Variants in PLEKHG5 observed in about 807,000 individuals in gnomAD.
The protein encoded by PLEKHG5 is pleckstrin homology domain-containing family G member 5.
PLEKHG5 carries 52 observed loss-of-function variants against 103.8 expected under a neutral mutation model. The observed-to-expected ratio is 0.50, with a 90% confidence interval of 0.40 to 0.63. The LOEUF (loss-of-function observed/expected upper bound fraction) is 0.63, where lower values mean the gene tolerates loss of function less well. Among genes scored for constraint, PLEKHG5 ranks in the 30% least tolerant of loss-of-function variants. The pLI is 0.00. For synonymous variants in PLEKHG5, 592 were observed against 575.5 expected, an observed-to-expected ratio of 1.03 and a Z score of -0.41; for missense variants, 1,205 against 1,347.6, an observed-to-expected ratio of 0.89 and a Z score of 1.66.
At position 6,470,897 on chromosome 1, in the gene PLEKHG5, A is replaced by G; in HGVS notation, c.1393-13T>C. 2.1e-6 allele frequency: 3 copies of G among 1,407,016 alleles called. No homozygotes were observed. Among genetic ancestry groups the G allele is most frequent in the Non-Finnish European group, 2.8e-6 (3 of 1,083,112 alleles). 87.2% of individuals were successfully genotyped at this position (1,407,016 alleles called of 1,614,324 possible). ...GCTTCTCCGCCCACTGCGGTGGGGG[A>G]GTGGGGGCGGGCTCAGGGCAGGCCC... is the stretch of plus-strand genomic sequence containing the variant. On this transcript the variant is annotated splice_polypyrimidine_tract_variant and intron_variant, in intron 13 of 20. Coordinates refer to ENST00000377728, the MANE Select transcript of PLEKHG5 (RefSeq NM_020631.6).
At chr1:6,500,591 C>G (rs976006122), upstream of PLEKHG5, among the ~76,000 whole-genome samples, 2 of 148,672 alleles carry the variant, frequency 1.3e-5, no homozygotes, top group African/African-American at 2.5e-5. Flanking sequence ...TGAACTCCCC[C>G]CTCCCCTAAG....
At chr1:6,485,660 A>G (rs971556669) in intron 1 of PLEKHG5, among the ~76,000 whole-genome samples, 1 of 123,152 alleles carries the variant, frequency 8.1e-6, no homozygotes, top group Non-Finnish European at 1.7e-5. Context: ...CCGCCCGGGA[A>G]CCCCTACACC....
upstream of PLEKHG5, chr1:6,497,185 T>C (rs1033607773): frequency 5.8e-6 from 5 of 868,716 alleles, no homozygotes; most frequent in African/African-American, 1.7e-5. This position sits in a 1 kb window ranked among gnomAD's most constrained non-coding sequence, Gnocchi z 6.1. Context: ...GGGGCCGAGT[T>C]TGGGTACGAG....
rs1457436765 is a variant in PLEKHG5 at position 6,505,125 on chromosome 1, G to A, written c.-164-8556C>T. Among the ~76,000 whole-genome samples, 2 of 152,148 alleles carry A rather than the reference G, an allele frequency of 1.3e-5. No homozygotes were observed. The highest frequency in any genetic ancestry group is 4.8e-5 in the African/African-American group (2 of 41,412). ...AACCCAGGCCCAGGCCCCGGCCCCA[G>A]ACAGTTCCACAGTGCTGGGAGCTGG... is the stretch of plus-strand genomic sequence containing the variant. On this transcript the variant is annotated intron_variant, in intron 1 of 21. Transcript: ENST00000377740. The surrounding 1 kb of genome is among the most constrained non-coding windows in gnomAD (Gnocchi z 4.2).
chr1:6,519,750 G>A, exon 1 of PLEKHG5: 1 of 599,176 alleles, frequency 1.7e-6, no homozygotes, highest in Non-Finnish European at 3.0e-6. Context: ...GGTCCCCTGG[G>A]CGCTGTATAT....
upstream of PLEKHG5, among the ~76,000 whole-genome samples, chr1:6,500,089 C>T (rs1051060246): frequency 6.6e-6 from 1 of 152,162 alleles, no homozygotes; most frequent in African/African-American, 2.4e-5. Flanking sequence ...GTTGTTGAGC[C>T]ATCTACATAG....
upstream of PLEKHG5, among the ~76,000 whole-genome samples, chr1:6,494,932 T>C (rs773042463): frequency 9.9e-5 from 15 of 152,212 alleles, no homozygotes; most frequent in Non-Finnish European, 1.9e-4. Flanking sequence ...AGGTGAGGTC[T>C]GGAGGCTGCA....
At chr1:6,502,826 A>C (rs1440959049) in intron 1 of PLEKHG5, among the ~76,000 whole-genome samples, 1 of 152,164 alleles carries the variant, frequency 6.6e-6, no homozygotes, top group African/African-American at 2.4e-5. Context: ...CCGTGTGCCC[A>C]GGCTCACCCA....
chr1:6,513,103 C>T (rs1031565309), intron 1 of PLEKHG5, among the ~76,000 whole-genome samples: 3 of 152,266 alleles, frequency 2.0e-5, no homozygotes, highest in Admixed American at 2.0e-4. Context: ...ACGCCTGGAT[C>T]CCGCTGTGGA....
At chr1:6,484,916 G>A (rs1263508763) in intron 1 of PLEKHG5, among the ~76,000 whole-genome samples, 1 of 152,172 alleles carries the variant, frequency 6.6e-6, no homozygotes, top group African/African-American at 2.4e-5. Context: ...AGAACCAGGC[G>A]TCCACCCTCA....
Position 6,470,319 on chromosome 1 carries a change from G to C in PLEKHG5, c.1717C>G (p.Pro573Ala). 1 of 1,614,082 alleles carries C rather than the reference G, an allele frequency of 6.2e-7. No homozygotes were observed. The highest frequency in any genetic ancestry group is 8.5e-7 in the Non-Finnish European group (1 of 1,180,010). The part of the protein sequence containing the change: ...KEFLHLDLTA[P>A]IPGASPEETR... ...TCCTCCGGGGAGGCGCCAGGGATGGGCGCTGTCAAGTCCAGGTGCAGAAAT... is the reference window on the plus strand; with the variant it reads ...TCCTCCGGGGAGGCGCCAGGGATGGCCGCTGTCAAGTCCAGGTGCAGAAAT... The change falls in exon 16 of 21, where the codon CCC becomes GCC. Residue 573 changes from proline (P) to alanine (A), a missense_variant. By Grantham distance (27) the Pro-to-Ala change is conservative. Coordinates refer to ENST00000377728, the MANE Select transcript of PLEKHG5 (RefSeq NM_020631.6).
chr1:6,482,376 T>C (rs922638922), intron 1 of PLEKHG5, among the ~76,000 whole-genome samples: 3 of 152,130 alleles, frequency 2.0e-5, no homozygotes, highest in Admixed American at 6.5e-5. Flanking sequence ...AGAGAGGCGC[T>C]GAAGAGTTTC....
rs12564169 is a variant in PLEKHG5 at position 6,486,724 on chromosome 1, G to A, written c.-88+4913C>T. Among the ~76,000 whole-genome samples, 18,256 of 152,250 alleles carry A rather than the reference G, an allele frequency of 0.12. 1,562 individuals carry two copies. The highest frequency in any genetic ancestry group is 0.27 in the East Asian group (1,379 of 5,172). On this transcript the variant is annotated intron_variant, in intron 1 of 20. Coordinates refer to ENST00000377728, the MANE Select transcript of PLEKHG5 (RefSeq NM_020631.6). This position sits in a 1 kb window ranked among gnomAD's most constrained non-coding sequence, Gnocchi z 5.3. ...GTCACCACTACACGGCTGTCAAAGC[G>A]CTTTTACACTGATTCCCAGGAAGGC...
chr1:6,499,049 A>G (rs966108626), upstream of PLEKHG5, among the ~76,000 whole-genome samples: 66 of 152,296 alleles, frequency 4.3e-4, no homozygotes, highest in African/African-American at 1.5e-3. Flanking sequence ...GGAGTTTCCC[A>G]TGCGTCCAGC....
intron 1 of PLEKHG5, among the ~76,000 whole-genome samples, chr1:6,511,178 G>C (rs957211002): frequency 1.3e-5 from 2 of 152,128 alleles, no homozygotes; most frequent in African/African-American, 4.8e-5. Context: ...GGAAGATGCT[G>C]GTGGAAACCT....
At chr1:6,498,289 G>T (rs532370647), upstream of PLEKHG5, among the ~76,000 whole-genome samples, 2 of 152,302 alleles carry the variant, frequency 1.3e-5, no homozygotes, top group South Asian at 4.1e-4. Context: ...AAGGCTAAGG[G>T]TGGACTTCCC....
At chr1:6,468,744 C>T (rs1644472514) in intron 19 of PLEKHG5, among the ~76,000 whole-genome samples, 158 bp from the exon 20 acceptor site, 1 of 152,168 alleles carries the variant, frequency 6.6e-6, no homozygotes, top group South Asian at 2.1e-4. Context: ...TCTTCCAGCT[C>T]CAGTGCCCAC....
chr1:6,475,558 T>TAG, intron 3 of PLEKHG5, 36 bp from the exon 4 acceptor site: 2 of 1,588,060 alleles, frequency 1.3e-6, no homozygotes, highest in Non-Finnish European at 1.7e-6. Context: ...GCTGGAGGTG[T>TAG]GGGTGGCCCT....
chr1:6,517,817 C>T (rs1243780816), intron 1 of PLEKHG5, among the ~76,000 whole-genome samples: 2 of 152,212 alleles, frequency 1.3e-5, no homozygotes, highest in African/African-American at 2.4e-5. Context: ...CAGGCTATCC[C>T]GCTGGGGCCG....
Sources: gnomAD v4.1 joint callset for allele counts (sites outside exome capture counted in the v4.1 genomes callset) on GRCh38, gnomAD v4.1.1 for gene constraint, Gnocchi (gnomAD v3.1) non-coding constraint, MANE v1.5 for transcripts, NCBI Gene and HGNC (gene_info 2026-07-23, HGNC 2026-07-21) for gene names.